PIK3CB: variants seen among roughly 807,000 people sequenced by gnomAD.
The protein encoded by PIK3CB is phosphatidylinositol-4,5-bisphosphate 3-kinase catalytic subunit beta, also known as phosphatidylinositol 4,5-bisphosphate 3-kinase catalytic subunit beta isoform.
A neutral mutation model predicts 136.8 loss-of-function variants in PIK3CB; 39 were observed. That is an observed-to-expected ratio of 0.29 (90% CI 0.22 to 0.37). The LOEUF is 0.37. PIK3CB is among the 10% of genes least tolerant of loss of function. The pLI is 1.00. For missense variants in PIK3CB, 868 were observed against 1,275.4 expected (o/e 0.68, Z 4.87); for synonymous variants, 428 against 436.6 (o/e 0.98, Z 0.25).
intron 4 of PIK3CB, among the ~76,000 whole-genome samples, chr3:138,749,311 T>A (rs1157578786): frequency 1.3e-5 from 2 of 152,230 alleles, no homozygotes; most frequent in Non-Finnish European, 2.9e-5. Context: ...CTCTGTCCAC[T>A]TCTCTCAATT....
At chr3:138,718,314 G>A (rs1375452603) in intron 8 of PIK3CB, among the ~76,000 whole-genome samples, 6 of 152,102 alleles carry the variant, frequency 3.9e-5, no homozygotes, top group African/African-American at 7.2e-5. Context: ...CTTGTTGGCC[G>A]CATGTATGTC....
Position 138,654,984 on chromosome 3 carries a change from C to A in PIK3CB, c.*405G>T, listed in dbSNP as rs866241723. On this transcript the variant is annotated 3_prime_UTR_variant, in exon 24 of 24. Transcript: ENST00000674063. ...TTTAGCTTCATTTGGACAGTAAGAACAGCCACCAACCCCCAGGTGTGGAAA... is the reference window on the plus strand; with the variant it reads ...TTTAGCTTCATTTGGACAGTAAGAAAAGCCACCAACCCCCAGGTGTGGAAA... 10 of 229,612 alleles carry A rather than the reference C, an allele frequency of 4.4e-5. No homozygotes were observed. Among genetic ancestry groups the A allele is most frequent in the Admixed American group, 1.7e-4 (3 of 17,918 alleles). 14.2% of individuals were successfully genotyped at this position (229,612 alleles called of 1,614,324 possible).
At chr3:138,710,351 G>A (rs533244592) in intron 10 of PIK3CB, among the ~76,000 whole-genome samples, 1 of 152,276 alleles carries the variant, frequency 6.6e-6, no homozygotes, top group South Asian at 2.1e-4. Flanking sequence ...AGATATGTCA[G>A]TAAATGATTA....
chr3:138,660,772 G>A (rs1328624847), intron 21 of PIK3CB, among the ~76,000 whole-genome samples: 1 of 152,158 alleles, frequency 6.6e-6, no homozygotes. Context: ...AGTCCACAAT[G>A]AAGACATACT....
intron 3 of PIK3CB, among the ~76,000 whole-genome samples, chr3:138,757,263 G>A (rs953528466): frequency 6.6e-6 from 1 of 151,978 alleles, no homozygotes; most frequent in Admixed American, 6.6e-5. Context: ...AATTAGCTGG[G>A]CATGGTGGTG....
At chr3:138,697,702 A>ATGT (rs1183252637) in intron 13 of PIK3CB, among the ~76,000 whole-genome samples, 54 of 151,834 alleles carry the variant, frequency 3.6e-4, no homozygotes, top group Non-Finnish European at 5.4e-4. Flanking sequence ...TCAGCCTCCC[A>ATGT]AAGTGCTGGG....
At chr3:138,665,323 T>G (rs1215424276) in intron 19 of PIK3CB, 120 bp from the exon 20 acceptor site, 1 of 614,146 alleles carries the variant, frequency 1.6e-6, no homozygotes, top group Non-Finnish European at 2.6e-6. Context: ...TTGCCATTAC[T>G]ATATTATTGT....
chr3:138,791,271 T>C (rs547124189), intron 2 of PIK3CB, among the ~76,000 whole-genome samples: 1 of 151,996 alleles, frequency 6.6e-6, no homozygotes, highest in East Asian at 2.0e-4. Flanking sequence ...GTCTCTCGAG[T>C]AGCTGGGACT....
chr3:138,667,488 TAAAATTA>T (rs1055073440), intron 19 of PIK3CB, among the ~76,000 whole-genome samples: 32 of 152,080 alleles, frequency 2.1e-4, no homozygotes, highest in Non-Finnish European at 4.7e-4. Flanking sequence ...AGATAGTTTC[TAAAATTA>T]AACAGTTTCT....
intron 2 of PIK3CB, among the ~76,000 whole-genome samples, chr3:138,784,577 G>A (rs7617997): frequency 0.03 from 4,625 of 152,236 alleles, 240 homozygotes; most frequent in African/African-American, 0.11. Context: ...TTGCAGGCGC[G>A]CGCCGCCACG....
At chr3:138,783,452 T>A (rs1297916274) in intron 2 of PIK3CB, among the ~76,000 whole-genome samples, 1 of 152,044 alleles carries the variant, frequency 6.6e-6, no homozygotes, top group East Asian at 1.9e-4. Context: ...AATTTTTTCA[T>A]TTTTTGTAGA....
In PIK3CB at chr3:138,666,288, T is replaced by C. The variant is rs535813644; in HGVS notation, c.2505-1085A>G. Among the ~76,000 whole-genome samples, 216 of 152,034 alleles carry C rather than the reference T, an allele frequency of 1.4e-3. 1 individual carries two copies. The highest frequency in any genetic ancestry group is 2.6e-3 in the Non-Finnish European group (177 of 67,940). ...GGGCTCAAGGCAATCCTCCCTCCCT[T>C]GGCTCTAGAATAGCTGGGACTACAG... On this transcript the variant is annotated intron_variant, in intron 19 of 23. Transcript: ENST00000674063.
intron 10 of PIK3CB, chr3:138,707,523 A>G: frequency 7.9e-7 from 1 of 1,269,818 alleles, no homozygotes; most frequent in South Asian, 2.1e-5. Context: ...CTGAATGACT[A>G]CTTTACCTCT....
At chr3:138,784,677 C>T (rs966815214) in intron 2 of PIK3CB, among the ~76,000 whole-genome samples, 7 of 152,178 alleles carry the variant, frequency 4.6e-5, no homozygotes, top group African/African-American at 1.2e-4. Context: ...GTGATCTGCC[C>T]GCATGGGCCT....
At chr3:138,680,323 A>G (rs1577065026) in intron 19 of PIK3CB, among the ~76,000 whole-genome samples, 1 of 151,772 alleles carries the variant, frequency 6.6e-6, no homozygotes, top group South Asian at 2.1e-4. Flanking sequence ...GCACCACTGC[A>G]CTCCAGCCTG....
chr3:138,667,631 G>A (rs185218374), intron 19 of PIK3CB, among the ~76,000 whole-genome samples: 5,299 of 150,798 alleles, frequency 0.035, 318 homozygotes, highest in African/African-American at 0.12. Context: ...GCGCAATCTC[G>A]GCTCACTGCA....
chr3:138,707,449 T>G, intron 10 of PIK3CB, 160 bp from the exon 11 acceptor site: 2 of 1,361,398 alleles, frequency 1.5e-6, no homozygotes, highest in Non-Finnish European at 1.9e-6. Context: ...TTTCTGTTAA[T>G]GCTTGGAACA....
chr3:138,768,296 G>T (rs930518671), intron 2 of PIK3CB, among the ~76,000 whole-genome samples: 7 of 152,162 alleles, frequency 4.6e-5, no homozygotes, highest in Non-Finnish European at 7.4e-5. Context: ...CCTGGAGTGG[G>T]TAGCTCCTGT....
In PIK3CB at chr3:138,749,005, A is replaced by G. The variant is rs190876945; in HGVS notation, c.398-6224T>C. Among the ~76,000 whole-genome samples the G allele has an allele frequency of 1.8e-4, 27 of 152,314 alleles. 1 individual carries two copies. Among genetic ancestry groups the G allele is most frequent in the Admixed American group, 1.7e-3 (26 of 15,288 alleles). ...CAATTTTGTGGTATTAAATATAGAA[A>G]AATAAAACACAGCAAAGGTATAACA... On this transcript the variant is annotated intron_variant, in intron 4 of 23. Coordinates refer to ENST00000674063, the MANE Select transcript of PIK3CB (RefSeq NM_006219.3).
Sources: allele counts gnomAD v4.1 joint callset (sites outside exome capture counted in the v4.1 genomes callset), GRCh38; gene constraint gnomAD v4.1.1; transcripts MANE v1.5; gene names NCBI Gene and HGNC (gene_info 2026-07-23, HGNC 2026-07-21).